Variants in GRM8 observed in about 807,000 individuals in gnomAD.
GRM8 encodes the protein metabotropic glutamate receptor 8.
A neutral mutation model predicts 87.2 loss-of-function variants in GRM8; 47 were observed. That is an observed-to-expected ratio of 0.54 (90% CI 0.43 to 0.69). The LOEUF is 0.69. Ranked by LOEUF, GRM8 falls within the 30% of genes least tolerant of loss-of-function variation. The pLI, the probability that GRM8 is intolerant of heterozygous loss-of-function variation, is 0.00. For missense variants in GRM8, 1,019 were observed against 1,139.2 expected (o/e 0.89, Z 1.52); for synonymous variants, 396 against 404.5 (o/e 0.98, Z 0.25).
chr7:126,883,929 G>A (rs1440637888), intron 6 of GRM8, among the ~76,000 whole-genome samples: 1 of 152,164 alleles, frequency 6.6e-6, no homozygotes, highest in Non-Finnish European at 1.5e-5. Flanking sequence ...AATATCAGAT[G>A]TATAAAATAT....
chr7:126,707,782 C>T (rs552852455), intron 7 of GRM8, among the ~76,000 whole-genome samples: 6 of 151,948 alleles, frequency 3.9e-5, no homozygotes, highest in African/African-American at 4.8e-5. Context: ...AGACTTGAAA[C>T]CATTAAAAGC....
intron 9 of GRM8, among the ~76,000 whole-genome samples, chr7:126,496,069 G>C (rs1287248334): frequency 1.3e-5 from 2 of 151,928 alleles, no homozygotes; most frequent in Admixed American, 6.6e-5. Flanking sequence ...ATGTTAGGGT[G>C]GGGGTAGTAA....
chr7:126,935,983 G>A (rs1303847385), intron 3 of GRM8, among the ~76,000 whole-genome samples: 4 of 152,094 alleles, frequency 2.6e-5, no homozygotes, highest in South Asian at 2.1e-4. Context: ...ATTCACCAGC[G>A]TAAGTGTGCT....
intron 3 of GRM8, among the ~76,000 whole-genome samples, chr7:126,998,776 A>T (rs779392760): frequency 7.2e-5 from 11 of 151,836 alleles, no homozygotes; most frequent in African/African-American, 2.7e-4. Context: ...AAAAAAATGA[A>T]GACATTCCAT....
intron 8 of GRM8, among the ~76,000 whole-genome samples, chr7:126,600,513 C>T (rs1386974251): frequency 6.6e-6 from 1 of 152,126 alleles, no homozygotes; most frequent in Non-Finnish European, 1.5e-5. Flanking sequence ...ATCATCCTGC[C>T]TGGCAGGGAA....
intron 2 of GRM8, among the ~76,000 whole-genome samples, chr7:127,118,523 T>A (rs1393636133): frequency 6.6e-6 from 1 of 152,208 alleles, no homozygotes; most frequent in African/African-American, 2.4e-5. Context: ...TGTGTGCGTA[T>A]GTGTGTGTGC....
chr7:126,876,144 T>G (rs1340467669), intron 6 of GRM8, among the ~76,000 whole-genome samples: 1 of 152,170 alleles, frequency 6.6e-6, no homozygotes, highest in Non-Finnish European at 1.5e-5. Context: ...GTGCTCCTTT[T>G]GCAACAGCTG....
At chr7:126,662,011 A>AGGTAGTCAT (rs140538064) in intron 7 of GRM8, among the ~76,000 whole-genome samples, 20,046 of 152,222 alleles carry the variant, frequency 0.13, 1,752 homozygotes, top group Non-Finnish European at 0.17. Flanking sequence ...AACTGTTAAA[A>AGGTAGTCAT]TACCATGACT....
At chr7:126,989,466 C>T (rs1201740482) in intron 3 of GRM8, among the ~76,000 whole-genome samples, 1 of 152,170 alleles carries the variant, frequency 6.6e-6, no homozygotes, top group Non-Finnish European at 1.5e-5. Context: ...CTGAAATCTG[C>T]ACCTCTAATC....
chr7:126,989,014 TG>T (rs1812379387), intron 3 of GRM8, among the ~76,000 whole-genome samples: 1 of 152,182 alleles, frequency 6.6e-6, no homozygotes, highest in Non-Finnish European at 1.5e-5. Context: ...AATATATGAT[TG>T]TTTGAATGAA....
At chr7:127,215,197 G>A (rs1318216724) in intron 2 of GRM8, 1 of 152,096 alleles carries the variant, frequency 6.6e-6, no homozygotes, top group Non-Finnish European at 1.5e-5. Context: ...CTCTCAAACT[G>A]GAATTATCTT....
chr7:126,935,524 C>T (rs528427205), intron 3 of GRM8, among the ~76,000 whole-genome samples: 96 of 152,276 alleles, frequency 6.3e-4, no homozygotes, highest in Middle Eastern at 3.4e-3. Context: ...TGAGGAGATG[C>T]TATGTGGACA....
chr7:127,037,586 C>T (rs1049452262), intron 3 of GRM8, among the ~76,000 whole-genome samples: 17 of 152,212 alleles, frequency 1.1e-4, no homozygotes, highest in African/African-American at 3.6e-4. Context: ...CATCCTGCTG[C>T]ATCCATCAGC....
At chr7:126,896,204 CCT>C (rs749040854) in intron 6 of GRM8, among the ~76,000 whole-genome samples, 52 of 150,664 alleles carry the variant, frequency 3.5e-4, no homozygotes, top group Non-Finnish European at 6.4e-4. Flanking sequence ...GAAATCAATG[CCT>C]GTTTTGTCAT....
intron 1 of GRM8, among the ~76,000 whole-genome samples, chr7:127,251,814 C>T (rs1798891815): frequency 6.6e-6 from 1 of 152,152 alleles, no homozygotes; most frequent in Admixed American, 6.5e-5. Context: ...TCCCCGAGAC[C>T]TTTTCTCCAT....
chr7:126,927,730 A>C (rs574626234), intron 3 of GRM8, among the ~76,000 whole-genome samples: 7 of 152,172 alleles, frequency 4.6e-5, no homozygotes, highest in Non-Finnish European at 1.0e-4. Flanking sequence ...GATGCTGGAG[A>C]GGATGTGGAG....
chr7:127,073,000 G>A (rs1821873846), intron 3 of GRM8, among the ~76,000 whole-genome samples: 1 of 136,732 alleles, frequency 7.3e-6, no homozygotes, highest in Non-Finnish European at 1.6e-5. Flanking sequence ...CCTTCAAAAA[G>A]TAGTATTCTA....
intron 2 of GRM8, among the ~76,000 whole-genome samples, chr7:127,108,501 C>G (rs533571887): frequency 1.8e-3 from 275 of 152,178 alleles, no homozygotes; most frequent in Middle Eastern, 3.4e-3. Flanking sequence ...TAGCCCTACA[C>G]CATTTCTTTG....
At chr7:127,057,506 A>G (rs2132547916) in intron 3 of GRM8, among the ~76,000 whole-genome samples, 1 of 152,332 alleles carries the variant, frequency 6.6e-6, no homozygotes, top group South Asian at 2.1e-4. Flanking sequence ...AAGATGGTAG[A>G]ACTGAGGCAC....
Sources: gnomAD v4.1 joint callset for allele counts (sites outside exome capture counted in the v4.1 genomes callset) on GRCh38, gnomAD v4.1.1 for gene constraint, MANE v1.5 for transcripts, NCBI Gene and HGNC (gene_info 2026-07-23, HGNC 2026-07-21) for gene names.